Variants in GSN observed in about 807,000 individuals in gnomAD.
The protein encoded by GSN is actin-depolymerizing factor.
In GSN, 56 loss-of-function variants were observed where a neutral mutation model predicts 85.7. The observed-to-expected ratio is 0.65, with a 90% confidence interval of 0.53 to 0.82. The LOEUF is 0.82. Ranked by LOEUF, GSN falls within the 40% of genes least tolerant of loss-of-function variation. GSN has a pLI of 0.00. For missense variants in GSN, 857 were observed against 979.8 expected (o/e 0.87, Z 1.67); for synonymous variants, 373 against 399.1 (o/e 0.93, Z 0.78).
At chr9:121,223,848 G>A (rs535998207) in intron 4 of GSN, among the ~76,000 whole-genome samples, 198 of 151,722 alleles carry the variant, frequency 1.3e-3, no homozygotes, top group Admixed American at 3.1e-3. Context: ...TAGTAGAGAC[G>A]GAGTTTTGCC....
Position 121,321,422 on chromosome 9 carries a change from G to T in GSN, c.1325+21G>T, listed in dbSNP as rs758768875. 1.9e-6 allele frequency: 3 copies of T among 1,611,130 alleles called. No individual in the cohort carries two copies. In the East Asian group the frequency reaches 6.7e-5, roughly 36 times the overall value. Reference sequence around the variant, plus strand: ...AACTGGTGAGGTTCTGGGGCCATTGGTGTGTGTCGTGGGGGTACTGGCTGG... The same window carrying T: ...AACTGGTGAGGTTCTGGGGCCATTGTTGTGTGTCGTGGGGGTACTGGCTGG... On this transcript the variant is annotated intron_variant, in intron 11 of 17. Transcript: ENST00000432226.
At chr9:121,267,999 C>T (rs2055303018), upstream of GSN, 1 of 152,188 alleles carries the variant, frequency 6.6e-6, no homozygotes, top group Non-Finnish European at 1.5e-5. Flanking sequence ...CGAGGGGTCC[C>T]CCTGGACGAA....
chr9:121,321,222 G>A, intron 10 of GSN, 46 bp from the exon 11 acceptor site: 1 of 1,609,540 alleles, frequency 6.2e-7, no homozygotes, highest in South Asian at 1.1e-5. Context: ...CTGAGCTGGG[G>A]GGTGGGGGTG....
intron 10 of GSN, among the ~76,000 whole-genome samples, chr9:121,320,645 CA>C (rs1026441408): frequency 1.8e-5 from 2 of 114,180 alleles, no homozygotes; most frequent in Non-Finnish European, 3.7e-5. Flanking sequence ...AACCTCGTCT[CA>C]AAAAACAAAA....
intron 1 of GSN, chr9:121,281,220 G>C (rs2057324212): frequency 4.8e-6 from 1 of 208,062 alleles, no homozygotes; most frequent in Admixed American, 5.3e-5. Context: ...GCTAATACCA[G>C]CAGGTACAAG....
At chr9:121,312,538 A>C in intron 6 of GSN, 50 bp downstream of exon 6, 1 of 1,510,948 alleles carries the variant, frequency 6.6e-7, no homozygotes, top group Admixed American at 2.0e-5. Flanking sequence ...GCTGCTCATG[A>C]CTTTCTTCTG....
At chr9:121,242,905 C>A (rs10760162) in intron 5 of GSN, among the ~76,000 whole-genome samples, 4 of 152,038 alleles carry the variant, frequency 2.6e-5, no homozygotes, top group Non-Finnish European at 5.9e-5. Flanking sequence ...TGGGCTTCTG[C>A]GTAAATTTTC....
intron 2 of GSN, among the ~76,000 whole-genome samples, chr9:121,300,995 T>G (rs1056947280): frequency 6.6e-6 from 1 of 152,172 alleles, no homozygotes; most frequent in Non-Finnish European, 1.5e-5. Context: ...TGGAAATCTT[T>G]CCACTTCCAA....
chr9:121,332,443 A>G lies in GSN; in HGVS notation c.2036A>G (p.Tyr679Cys). The G allele has an allele frequency of 6.2e-7, 1 of 1,613,988 alleles. No homozygotes were observed. Among genetic ancestry groups the G allele is most frequent in the African/African-American group, 1.3e-5 (1 of 75,056 alleles). Reference protein sequence around the residue: ...KTEALTSAKRYIETDPANRDR... With the variant: ...KTEALTSAKRCIETDPANRDR... ...GCACGTGTGTCTGCAGCTAAGCGGTACATCGAGACGGACCCAGCCAATCGG... is the reference window on the plus strand; with the variant it reads ...GCACGTGTGTCTGCAGCTAAGCGGTGCATCGAGACGGACCCAGCCAATCGG... The change falls in exon 18 of 18, where the codon TAC (tyrosine) becomes TGC (cysteine). Residue 679 changes from tyrosine to cysteine, a missense_variant. Coordinates refer to ENST00000432226, the MANE Select transcript of GSN (RefSeq NM_198252.3). This position sits in a 1 kb window ranked among gnomAD's most constrained non-coding sequence, Gnocchi z 4.8.
At chr9:121,324,436 C>A in intron 11 of GSN, 118 bp from the exon 12 acceptor site, 1 of 691,744 alleles carries the variant, frequency 1.4e-6, no homozygotes, top group South Asian at 1.5e-5. Context: ...GTCCCCTTCC[C>A]TCTCTATCTG....
chr9:121,229,878 T>A (rs1308615307), intron 4 of GSN, among the ~76,000 whole-genome samples: 1 of 152,230 alleles, frequency 6.6e-6, no homozygotes, highest in Non-Finnish European at 1.5e-5. Flanking sequence ...CTATCATGGT[T>A]GCAAAATAGT....
chr9:121,230,078 T>G (rs974708212), intron 4 of GSN, among the ~76,000 whole-genome samples: 5 of 152,242 alleles, frequency 3.3e-5, no homozygotes, highest in African/African-American at 1.2e-4. Context: ...TTCTGATCAC[T>G]TTTCATTTTG....
chr9:121,245,747 A>G (rs909778317), intron 5 of GSN, among the ~76,000 whole-genome samples: 17 of 152,178 alleles, frequency 1.1e-4, no homozygotes, highest in Non-Finnish European at 1.5e-5. Context: ...AAAGAAAAAC[A>G]CTTTTTAAAA....
intron 11 of GSN, among the ~76,000 whole-genome samples, chr9:121,324,192 C>T (rs1277278151): frequency 6.6e-6 from 1 of 152,204 alleles, no homozygotes; most frequent in African/African-American, 2.4e-5. Context: ...TGCTATTCTG[C>T]GACCTGCTTT....
At chr9:121,314,159 T>A in intron 7 of GSN, 136 bp downstream of exon 7, 1 of 731,054 alleles carries the variant, frequency 1.4e-6, no homozygotes, top group South Asian at 1.5e-5. Context: ...TTCTCACGTC[T>A]CCAGTGGATG....
chr9:121,258,725 G>A (rs1564362689), intron 6 of GSN, among the ~76,000 whole-genome samples: 1 of 147,420 alleles, frequency 6.8e-6, no homozygotes, highest in African/African-American at 2.5e-5. Context: ...TCTATTACAA[G>A]TTTTTTTTTT....
At chr9:121,270,614 AAAAC>A (rs2055798059) in intron 1 of GSN, among the ~76,000 whole-genome samples, 2 of 152,184 alleles carry the variant, frequency 1.3e-5, no homozygotes, top group Non-Finnish European at 2.9e-5. Context: ...CATGAGTTTT[AAAAC>A]AAACAAAAAT....
rs770637286 is a variant in GSN, at chr9:121,321,341, G to A, written c.1265G>A (p.Ser422Asn). Residue 422 changes from serine to asparagine, a missense_variant, in exon 11 of 18, where the codon AGC becomes AAC. Transcript: ENST00000432226. ...ATYGQFYGGD[S>N]YIILYNYRHG... ...TATGGACAGTTCTATGGAGGCGACA[G>A]CTACATCATTCTGTACAACTACCGC... 1 of 1,613,988 alleles carries A rather than the reference G, an allele frequency of 6.2e-7. No homozygotes were observed. The highest frequency in any genetic ancestry group is 1.1e-5 in the South Asian group (1 of 91,078).
rs561028143 is a variant in GSN, at chr9:121,209,882, T to C, written c.-705-354T>C. On this transcript the variant is annotated intron_variant, in intron 2 of 24. Coordinates refer to the GSN transcript ENST00000373823. ...TTTTCTTTAGAGTAATACAAATAAT[T>C]GGAGAGAAGAGATGAAGAATGAGAA... 5.8e-4 allele frequency among the ~76,000 whole-genome samples: 89 copies of C among 152,250 alleles called. 2 individuals carry two copies. In the South Asian group the frequency reaches 0.015, roughly 26 times the overall value.
Sources: gnomAD v4.1 joint callset for allele counts (sites outside exome capture counted in the v4.1 genomes callset) on GRCh38, gnomAD v4.1.1 for gene constraint, Gnocchi (gnomAD v3.1) non-coding constraint, MANE v1.5 for transcripts, NCBI Gene and HGNC (gene_info 2026-07-23, HGNC 2026-07-21) for gene names.